The following ABCA4 variants were observed in gnomAD, a reference collection of about 807,000 sequenced individuals.
ABCA4 encodes the protein retinal-specific phospholipid-transporting ATPase ABCA4.
A neutral mutation model predicts 263.7 loss-of-function variants in ABCA4; 196 were observed. The observed-to-expected ratio is 0.74, with a 90% CI of 0.66 to 0.84. The LOEUF is 0.84. ABCA4 is among the 40% of genes least tolerant of loss of function. The pLI, the probability that ABCA4 is intolerant of heterozygous loss-of-function variation, is 0.00. For synonymous variants in ABCA4, 1,133 were observed against 1,094.2 expected (o/e 1.04, Z -0.70); for missense variants, 2,792 against 2,855.1 (o/e 0.98, Z 0.50).
intron 40 of ABCA4, among the ~76,000 whole-genome samples, chr1:94,009,273 C>T (rs376733878): frequency 5.5e-4 from 84 of 152,262 alleles, no homozygotes; most frequent in African/African-American, 1.9e-3. Flanking sequence ...AAAATGCTTC[C>T]TCTACAGCAA....
intron 4 of ABCA4, among the ~76,000 whole-genome samples, chr1:94,105,356 G>C (rs1168683979): frequency 6.6e-6 from 1 of 152,126 alleles, no homozygotes; most frequent in East Asian, 1.9e-4. Context: ...AGAAAAGCTG[G>C]GAGTGATGTT....
chr1:94,037,300 T>C lies in ABCA4; in HGVS notation c.3658A>G (p.Lys1220Glu), dbSNP rs1660366045. 6.2e-7 allele frequency: 1 copy of C among 1,614,228 alleles called. No individual in the cohort carries two copies. The highest frequency in any genetic ancestry group is 8.5e-7 in the Non-Finnish European group (1 of 1,180,050). Residue 1220 changes from lysine to glutamate, a missense_variant, in exon 25 of 50, where the codon AAG (lysine) becomes GAG (glutamate). Lys to Glu is a moderately conservative substitution (Grantham distance 56, BLOSUM62 1). Coordinates refer to ENST00000370225, the MANE Select transcript of ABCA4 (RefSeq NM_000350.3). ...TCTTGACCAATGCACTCCACCAGCT[T>C]TGCCTCTGGAACATGGTGGAGAACT... Reference protein sequence around the residue: ...DVVLHHVPEAKLVECIGQELI... With the variant: ...DVVLHHVPEAELVECIGQELI...
chr1:94,019,231 C>G (rs1218831079), intron 36 of ABCA4, among the ~76,000 whole-genome samples: 1 of 151,646 alleles, frequency 6.6e-6, no homozygotes, highest in Non-Finnish European at 1.5e-5. Flanking sequence ...GTGAAAGACC[C>G]CTTCATATTA....
intron 14 of ABCA4, among the ~76,000 whole-genome samples, chr1:94,060,079 T>A: frequency 6.6e-6 from 1 of 152,170 alleles, no homozygotes; most frequent in Non-Finnish European, 1.5e-5. Flanking sequence ...GATAAGTAAA[T>A]AATCCAGATC....
intron 36 of ABCA4, among the ~76,000 whole-genome samples, chr1:94,018,073 C>A (rs190218617): frequency 1.3e-5 from 2 of 152,160 alleles, no homozygotes. Flanking sequence ...TAACATGATG[C>A]CTACCATCTT....
intron 4 of ABCA4, among the ~76,000 whole-genome samples, chr1:94,106,128 G>A (rs922435195): frequency 6.6e-6 from 1 of 152,158 alleles, no homozygotes; most frequent in African/African-American, 2.4e-5. Flanking sequence ...GGATCTTGCA[G>A]AGCCCCCATT....
At chr1:94,088,401 T>C (rs1052929787) in intron 6 of ABCA4, among the ~76,000 whole-genome samples, 1 of 152,200 alleles carries the variant, frequency 6.6e-6, no homozygotes, top group Non-Finnish European at 1.5e-5. Context: ...ATTTCCTTTA[T>C]CATTTAATCT....
At chr1:94,005,350 T>C in intron 44 of ABCA4, 91 bp downstream of exon 44, 1 of 1,512,696 alleles carries the variant, frequency 6.6e-7, no homozygotes, top group Admixed American at 1.7e-5. Flanking sequence ...AATAGCACGC[T>C]TCAGTTTCTC....
intron 45 of ABCA4, 70 bp from the exon 46 acceptor site, chr1:94,001,175 G>T: frequency 7.6e-7 from 1 of 1,323,328 alleles, no homozygotes; most frequent in Non-Finnish European, 1.1e-6. Flanking sequence ...TTCCCCCTGG[G>T]CTGGCTCCCC....
chr1:94,037,033 G>C, intron 25 of ABCA4, 112 bp downstream of exon 25: 1 of 1,153,862 alleles, frequency 8.7e-7, no homozygotes, highest in Non-Finnish European at 1.3e-6. Flanking sequence ...GCTATGCTTG[G>C]GTGGGGAACG....
intron 23 of ABCA4, among the ~76,000 whole-genome samples, chr1:94,040,661 T>TA (rs1215615890): frequency 1.3e-5 from 2 of 151,852 alleles, no homozygotes; most frequent in Admixed American, 6.6e-5. Context: ...AAAAAAATAC[T>TA]AAAAAAAAGG....
At chr1:94,090,270 A>C (rs1661936053) in intron 6 of ABCA4, among the ~76,000 whole-genome samples, 1 of 152,226 alleles carries the variant, frequency 6.6e-6, no homozygotes, top group African/African-American at 2.4e-5. Flanking sequence ...TTAACAATGA[A>C]GTTGAATAAA....
rs774246861 is a variant in ABCA4, at chr1:94,098,745, A to C, written c.768+49T>G. On this transcript the variant is annotated intron_variant, in intron 6 of 49. Coordinates refer to ENST00000370225, the MANE Select transcript of ABCA4 (RefSeq NM_000350.3). ...CAAGGTCAATTCGTGAGGCTCTGCT[A>C]CCCCAGGAATCACCTTGCAATTGGC... 7.5e-6 allele frequency: 12 copies of C among 1,599,536 alleles called. No homozygotes were observed. In the South Asian group the frequency reaches 1.3e-4, roughly 18 times the overall value.
intron 30 of ABCA4, among the ~76,000 whole-genome samples, chr1:94,028,589 G>C (rs17110894): frequency 0.037 from 5,665 of 152,172 alleles, 349 homozygotes; most frequent in African/African-American, 0.13. Context: ...CCTAAGTGGC[G>C]AATAATGGGA....
intron 26 of ABCA4, among the ~76,000 whole-genome samples, chr1:94,035,813 C>T (rs1381272731): frequency 6.6e-6 from 1 of 152,150 alleles, no homozygotes; most frequent in Admixed American, 6.5e-5. Context: ...ATCTCCCCAC[C>T]CTCCACCCTC....
At chr1:94,007,505 G>T in intron 43 of ABCA4, 129 bp downstream of exon 43, 1 of 819,312 alleles carries the variant, frequency 1.2e-6, no homozygotes. Flanking sequence ...TCTCTGGGAG[G>T]CCTCCTTCTC....
At chr1:94,015,630 TG>T in intron 37 of ABCA4, 108 bp downstream of exon 37, 1 of 880,796 alleles carries the variant, frequency 1.1e-6, no homozygotes, top group Non-Finnish European at 1.9e-6. Flanking sequence ...GCTAAACTTG[TG>T]GGTGCTACCA....
chr1:94,052,737 T>C (rs1376935961), intron 16 of ABCA4, among the ~76,000 whole-genome samples: 2 of 152,228 alleles, frequency 1.3e-5, no homozygotes, highest in Admixed American at 6.5e-5. Context: ...AAAAGACATG[T>C]TGGGGTCTGT....
intron 10 of ABCA4, among the ~76,000 whole-genome samples, chr1:94,078,265 G>T (rs1661591550): frequency 6.6e-6 from 1 of 152,154 alleles, no homozygotes; most frequent in Non-Finnish European, 1.5e-5. Flanking sequence ...ACCATCTTTG[G>T]AGTTACAGAG....
Sources: allele counts gnomAD v4.1 joint callset (sites outside exome capture counted in the v4.1 genomes callset), GRCh38; gene constraint gnomAD v4.1.1; transcripts MANE v1.5; gene names NCBI Gene and HGNC (gene_info 2026-07-23, HGNC 2026-07-21).